Variants in MATCAP2 observed in about 807,000 individuals in gnomAD.
The protein encoded by MATCAP2 is microtubule associated tyrosine carboxypeptidase 2.
the MATCAP2 span, chr7:36,326,854 T>C: frequency 2.5e-6 from 4 of 1,614,018 alleles, no homozygotes; most frequent in African/African-American, 2.7e-5. Context: ...CTGCAGGAAA[T>C]GAGGGACCCT....
chr7:36,327,042 C>A, the MATCAP2 span: 1 of 783,012 alleles, frequency 1.3e-6, no homozygotes, highest in African/African-American at 1.8e-5. Flanking sequence ...TTAATAGCTG[C>A]AAAGTAACAA....
chr7:36,379,847 C>CACACAGAGAGAG, the MATCAP2 span, among the ~76,000 whole-genome samples: 22 of 107,698 alleles, frequency 2.0e-4, no homozygotes, highest in South Asian at 2.6e-3. Context: ...CACACACACA[C>CACACAGAGAGAG]AGAGAGAGAG....
At chr7:36,358,631 T>C in the MATCAP2 span, among the ~76,000 whole-genome samples, 1 of 152,244 alleles carries the variant, frequency 6.6e-6, no homozygotes, top group Non-Finnish European at 1.5e-5. Flanking sequence ...CTGGATATAC[T>C]GTTGTGCATT....
At chr7:36,376,535 T>C in the MATCAP2 span, among the ~76,000 whole-genome samples, 299 of 152,348 alleles carry the variant, frequency 2.0e-3, 1 homozygote, top group African/African-American at 6.9e-3. Flanking sequence ...TTGGAATAAG[T>C]GCAATGCGGT....
the MATCAP2 span, among the ~76,000 whole-genome samples, chr7:36,358,286 A>C: frequency 6.6e-6 from 1 of 152,374 alleles, no homozygotes; most frequent in East Asian, 1.9e-4. Context: ...GCACTTTCAA[A>C]GACAATACAA....
At chr7:36,379,839 CACACACACAGAG>C in the MATCAP2 span, among the ~76,000 whole-genome samples, 17 of 131,594 alleles carry the variant, frequency 1.3e-4, no homozygotes, top group South Asian at 1.4e-3. Context: ...CACACACACA[CACACACACAGAG>C]AGAGAGAGAG....
At chr7:36,348,437 C>T in the MATCAP2 span, among the ~76,000 whole-genome samples, 1 of 152,236 alleles carries the variant, frequency 6.6e-6, no homozygotes, top group Non-Finnish European at 1.5e-5. Context: ...AGCATATTTA[C>T]ATTCCAATGC....
chr7:36,356,754 G>C, the MATCAP2 span: 1 of 705,394 alleles, frequency 1.4e-6, no homozygotes, highest in Admixed American at 2.3e-5. Context: ...TACTCGTCTT[G>C]TCGCACATTT....
the MATCAP2 span, among the ~76,000 whole-genome samples, chr7:36,379,632 GTTAC>G: frequency 2.0e-5 from 3 of 151,924 alleles, no homozygotes; most frequent in South Asian, 4.2e-4. Flanking sequence ...ACAGTCGTGT[GTTAC>G]TTACTGATGG....
At chr7:36,370,837 T>A in the MATCAP2 span, among the ~76,000 whole-genome samples, 1 of 152,240 alleles carries the variant, frequency 6.6e-6, no homozygotes, top group Non-Finnish European at 1.5e-5. Context: ...TCACCCTTTT[T>A]AAAGTTTTAT....
the MATCAP2 span, among the ~76,000 whole-genome samples, chr7:36,334,379 C>CA: frequency 6.6e-6 from 1 of 151,282 alleles, no homozygotes; most frequent in African/African-American, 2.4e-5. Context: ...ACCAGAAATA[C>CA]AAAAAATTAG....
the MATCAP2 span, among the ~76,000 whole-genome samples, chr7:36,372,006 T>C: frequency 4.3e-4 from 66 of 152,254 alleles, 2 homozygotes; most frequent in East Asian, 0.012. Context: ...TCAGCCACCA[T>C]GCCCAGTCTG....
the MATCAP2 span, among the ~76,000 whole-genome samples, chr7:36,328,899 C>T: frequency 6.6e-6 from 1 of 151,236 alleles, no homozygotes; most frequent in Admixed American, 6.6e-5. Flanking sequence ...CAAAATTAGC[C>T]GGGTGTGGTG....
At chr7:36,352,379 AGAGT>A in the MATCAP2 span, among the ~76,000 whole-genome samples, 2 of 145,090 alleles carry the variant, frequency 1.4e-5, no homozygotes, top group Non-Finnish European at 3.0e-5. Context: ...CCTGGGTGAC[AGAGT>A]GAGACTCCAT....
the MATCAP2 span, chr7:36,366,763 G>A: frequency 6.5e-7 from 1 of 1,534,880 alleles, no homozygotes; most frequent in Non-Finnish European, 8.7e-7. Context: ...CAGGTTTTTC[G>A]CGAGCGCCTC....
the MATCAP2 span, chr7:36,357,377 G>A: frequency 2.5e-6 from 4 of 1,613,930 alleles, no homozygotes; most frequent in Non-Finnish European, 3.4e-6. Flanking sequence ...ACATCTTTTG[G>A]AGTAGGTGGA....
the MATCAP2 span, chr7:36,357,070 C>T: frequency 1.6e-5 from 26 of 1,614,038 alleles, no homozygotes; most frequent in South Asian, 2.7e-4. Context: ...AAAATTTCTT[C>T]CCAGAAAAGT....
chr7:36,350,969 T>C, the MATCAP2 span, among the ~76,000 whole-genome samples: 1 of 152,222 alleles, frequency 6.6e-6, no homozygotes, highest in South Asian at 2.1e-4. Context: ...TTATGATTTT[T>C]GCCCAGATCC....
At chr7:36,346,167 CG>C in the MATCAP2 span, among the ~76,000 whole-genome samples, 10 of 152,032 alleles carry the variant, frequency 6.6e-5, no homozygotes, top group Non-Finnish European at 1.2e-4. Context: ...GAAACTGGAA[CG>C]CTCACATGCT....
Sources: allele counts gnomAD v4.1 joint callset (sites outside exome capture counted in the v4.1 genomes callset), GRCh38; gene constraint gnomAD v4.1.1; transcripts MANE v1.5; gene names NCBI Gene and HGNC (gene_info 2026-07-23, HGNC 2026-07-21).